Variants in LYPD5 observed in about 807,000 individuals in gnomAD.
LYPD5 encodes the protein LY6/PLAUR domain containing 5, also known as ly6/PLAUR domain-containing protein 5.
In LYPD5, 21 loss-of-function variants were observed where a neutral mutation model predicts 19.1. That is an observed-to-expected ratio of 1.10 (90% CI 0.78 to 1.58). LYPD5 has a LOEUF of 1.58. Ranked by LOEUF, LYPD5 falls within the 40% of genes most tolerant of loss-of-function variation. LYPD5 has a pLI of 0.00. For synonymous variants in LYPD5, 128 were observed against 142.7 expected (o/e 0.90, Z 0.74); for missense variants, 287 against 329.8 (o/e 0.87, Z 1.00).
chr19:43,811,146 T>C (rs963597137), intron 1 of LYPD5, among the ~76,000 whole-genome samples: 1 of 152,116 alleles, frequency 6.6e-6, no homozygotes, highest in African/African-American at 2.4e-5. Flanking sequence ...GTTAACTTGA[T>C]ATAAGCAAGG....
intron 1 of LYPD5, among the ~76,000 whole-genome samples, chr19:43,811,650 C>A (rs143775020): frequency 6.6e-6 from 1 of 150,944 alleles, no homozygotes; most frequent in East Asian, 2.0e-4. Context: ...CACGCCACTG[C>A]CCTCTAGCCT....
intron 1 of LYPD5, among the ~76,000 whole-genome samples, chr19:43,807,849 C>G (rs1306242804): frequency 1.3e-5 from 2 of 152,214 alleles, no homozygotes; most frequent in Non-Finnish European, 2.9e-5. Context: ...GCCCAAGGGG[C>G]TGACATCAGA....
chr19:43,798,883 A>C lies in LYPD5; in HGVS notation c.299T>G (p.Val100Gly). The C allele has an allele frequency of 6.2e-7, 1 of 1,606,414 alleles. No individual in the cohort carries two copies. The highest frequency in any genetic ancestry group is 1.1e-5 in the South Asian group (1 of 89,622). Residue 100 changes from valine to glycine, a missense_variant, in exon 3 of 5, where the codon GTG becomes GGG. Physicochemically the swap from Val to Gly is moderately radical, Grantham distance 109 (BLOSUM62 -3). Coordinates refer to ENST00000377950, the MANE Select transcript of LYPD5 (RefSeq NM_001031749.3). Reference sequence around the variant, plus strand: ...GCATTTGTCAGTTGTGCAGCCGCGCACCACCGAGTAGTCTGGCGGCAGCGC... The same window carrying C: ...GCATTTGTCAGTTGTGCAGCCGCGCCCCACCGAGTAGTCTGGCGGCAGCGC... ...ADALPPDYSVVRGCTTDKCNA... is the reference protein window; with the variant it reads ...ADALPPDYSVGRGCTTDKCNA...
intron 1 of LYPD5, chr19:43,800,103 G>C: frequency 6.7e-6 from 2 of 300,538 alleles, no homozygotes; most frequent in Non-Finnish European, 1.3e-5. Flanking sequence ...CCTCTCCCTA[G>C]CTATGACTTA....
chr19:43,806,158 C>T (rs1253976882), upstream of LYPD5, among the ~76,000 whole-genome samples: 1 of 152,188 alleles, frequency 6.6e-6, no homozygotes, highest in Non-Finnish European at 1.5e-5. Flanking sequence ...GAAGATTCAT[C>T]TGTATTTACA....
At chr19:43,812,060 G>A (rs1162693732) in intron 1 of LYPD5, among the ~76,000 whole-genome samples, 2 of 152,060 alleles carry the variant, frequency 1.3e-5, no homozygotes, top group African/African-American at 4.8e-5. Flanking sequence ...GACCCAGAAT[G>A]GTCTCACTCA....
At chr19:43,813,038 C>A (rs1162504611) in intron 1 of LYPD5, among the ~76,000 whole-genome samples, 1 of 152,180 alleles carries the variant, frequency 6.6e-6, no homozygotes, top group Non-Finnish European at 1.5e-5. Context: ...CCACCTCCGA[C>A]CTCATAAAGA....
At chr19:43,814,280 C>T (rs1323216965) in intron 1 of LYPD5, among the ~76,000 whole-genome samples, 6 of 152,080 alleles carry the variant, frequency 3.9e-5, no homozygotes, top group Non-Finnish European at 8.8e-5. Context: ...TGGCTTGAGC[C>T]CAGGAGTTCA....
chr19:43,799,705 C>T lies in LYPD5; in HGVS notation c.193+1G>A. ...CCTGTCCCCCGGCTCCCGCTCCTTA[C>T]CGGTGTCCAGAGACAGGATAGCCTC... is the stretch of plus-strand genomic sequence containing the variant. On this transcript the variant is annotated splice_donor_variant, in intron 2 of 4. Transcript: ENST00000377950. LOFTEE classifies it high-confidence loss of function. 6.2e-7 allele frequency: 1 copy of T among 1,613,006 alleles called. No homozygotes were observed. The highest frequency in any genetic ancestry group is 8.5e-7 in the Non-Finnish European group (1 of 1,179,518).
intron 1 of LYPD5, among the ~76,000 whole-genome samples, chr19:43,811,735 GAGGA>G (rs1403133540): frequency 2.1e-4 from 10 of 47,218 alleles, no homozygotes; most frequent in East Asian, 1.4e-3. Flanking sequence ...GAGAGGGAGG[GAGGA>G]AGGAAGGAAG....
At chr19:43,815,841 G>A (rs887982989) in intron 1 of LYPD5, 7 of 325,962 alleles carry the variant, frequency 2.1e-5, no homozygotes, top group Admixed American at 1.6e-4. Flanking sequence ...GACTTCAAGC[G>A]ATTCCCCTGC....
intron 3 of LYPD5, 89 bp downstream of exon 3, chr19:43,798,723 A>T: frequency 6.4e-7 from 1 of 1,569,400 alleles, no homozygotes; most frequent in Non-Finnish European, 8.6e-7. Context: ...GCGCGCCAAG[A>T]GCAGGCGCCC....
Position 43,797,829 on chromosome 19 carries a change from C to T in LYPD5, c.518G>A (p.Gly173Asp). 11 of 1,611,400 alleles carry T rather than the reference C, an allele frequency of 6.8e-6. No homozygotes were observed. The highest frequency in any genetic ancestry group is 9.3e-6 in the Non-Finnish European group (11 of 1,178,124). ...CFQGNGRMTV[G>D]NFSVPVYIRT... ...GATGTACACAGGGACTGAGAAATTG[C>T]CTGGAGGTGGGCAAAGCAGTGAGGA... The change falls in exon 5 of 5, where the codon GGC (glycine) becomes GAC (aspartate). Residue 173 changes from glycine (G) to aspartate (D), a missense_variant and splice_region_variant. Transcript: ENST00000377950.
upstream of LYPD5, among the ~76,000 whole-genome samples, chr19:43,805,557 G>C (rs1240133611): frequency 6.6e-6 from 1 of 152,150 alleles, no homozygotes; most frequent in Non-Finnish European, 1.5e-5. Flanking sequence ...GCCCAAGCTG[G>C]AGTGCAGTGG....
intron 1 of LYPD5, among the ~76,000 whole-genome samples, chr19:43,809,671 C>A (rs943903097): frequency 6.6e-6 from 1 of 152,174 alleles, no homozygotes; most frequent in Non-Finnish European, 1.5e-5. Flanking sequence ...GGATTACAGG[C>A]GTGAGCCACT....
At position 43,802,195 on chromosome 19, in the gene LYPD5, A is replaced by T. The variant is rs543599339; in HGVS notation, c.64+122T>A. 5.5e-4 allele frequency: 224 copies of T among 407,104 alleles called. 13 individuals carry two copies. Among genetic ancestry groups the T allele is most frequent in the Non-Finnish European group, 5.7e-4 (135 of 235,126 alleles). The allele number at this position is 407,104 out of a possible 1,614,324, so 25.2% of individuals were successfully genotyped here. A position where few individuals can be genotyped will look rare whatever the true frequency, so the allele number is the denominator to read the frequency against. ...CCCCCTCCTCCCTCAGACCCAGGAG[A>T]TCAGGCCCCCAACCCCTCCTCCCTC... On this transcript the variant is annotated intron_variant, in intron 1 of 4. Coordinates refer to ENST00000377950, the MANE Select transcript of LYPD5 (RefSeq NM_001031749.3).
chr19:43,817,138 C>T (rs1970381395), intron 1 of LYPD5, among the ~76,000 whole-genome samples: 1 of 152,102 alleles, frequency 6.6e-6, no homozygotes, highest in Non-Finnish European at 1.5e-5. Context: ...GCTTTCTGAG[C>T]ATTTCTTTTG....
At chr19:43,802,237 G>T (rs1482456768) in intron 1 of LYPD5, 80 bp downstream of exon 1, 3 of 1,328,732 alleles carry the variant, frequency 2.3e-6, no homozygotes, top group African/African-American at 2.9e-5. Context: ...AGGAGTCCAG[G>T]CCCCCAGTCT....
chr19:43,818,600 G>A (rs349026), intron 1 of LYPD5, among the ~76,000 whole-genome samples: 130,524 of 152,178 alleles, frequency 0.86, 56,581 homozygotes, highest in African/African-American at 0.94. Flanking sequence ...GGAAAGCCCT[G>A]GGGCTTGAGA....
Sources: allele counts gnomAD v4.1 joint callset (sites outside exome capture counted in the v4.1 genomes callset), GRCh38; gene constraint gnomAD v4.1.1; transcripts MANE v1.5; gene names NCBI Gene and HGNC (gene_info 2026-07-23, HGNC 2026-07-21).